The following CTNND2 variants were observed in gnomAD, a reference collection of about 807,000 sequenced individuals.
CTNND2 encodes catenin delta-2.
CTNND2 carries 22 observed loss-of-function variants against 144.4 expected under a neutral mutation model. The observed-to-expected ratio is 0.15, with a 90% CI of 0.11 to 0.22. CTNND2 has a LOEUF of 0.22. CTNND2 is among the 10% of genes least tolerant of loss of function. The probability of loss-of-function intolerance (pLI) is 1.00; values close to 1 mark genes in which losing one functional copy is unlikely to be tolerated. For missense variants in CTNND2, 1,353 were observed against 1,618.8 expected (o/e 0.84, Z 2.82); for synonymous variants, 751 against 695.6 (o/e 1.08, Z -1.25).
intron 1 of CTNND2, among the ~76,000 whole-genome samples, chr5:11,825,670 ATAT>A (rs2126950975): frequency 6.6e-6 from 1 of 152,194 alleles, no homozygotes; most frequent in Non-Finnish European, 1.5e-5. Flanking sequence ...ATTATTAATA[ATAT>A]TATTATTAAT....
chr5:11,428,946 G>C (rs1273749722), intron 3 of CTNND2, among the ~76,000 whole-genome samples: 1 of 152,076 alleles, frequency 6.6e-6, no homozygotes, highest in African/African-American at 2.4e-5. Flanking sequence ...AACATATCAT[G>C]GCAAATCCTT....
At chr5:11,514,338 G>T (rs1013956468) in intron 3 of CTNND2, among the ~76,000 whole-genome samples, 1 of 152,000 alleles carries the variant, frequency 6.6e-6, no homozygotes, top group Non-Finnish European at 1.5e-5. Context: ...AGGTAATCCA[G>T]GTTTAAAAAA....
chr5:11,700,226 C>T (rs1785363149), intron 2 of CTNND2, among the ~76,000 whole-genome samples: 1 of 151,998 alleles, frequency 6.6e-6, no homozygotes, highest in Non-Finnish European at 1.5e-5. Context: ...CCCAGCTCTA[C>T]TAAAAATACA....
chr5:11,139,575 TC>T (rs1756506505), intron 12 of CTNND2, among the ~76,000 whole-genome samples: 1 of 152,204 alleles, frequency 6.6e-6, no homozygotes, highest in African/African-American at 2.4e-5. Flanking sequence ...CCATTTTCTC[TC>T]TGTTTGCTGC....
At chr5:11,374,379 G>A (rs918324999) in intron 7 of CTNND2, among the ~76,000 whole-genome samples, 2 of 152,080 alleles carry the variant, frequency 1.3e-5, no homozygotes, top group Non-Finnish European at 2.9e-5. Context: ...TTTTTACCTG[G>A]GAGAAGGCTT....
intron 12 of CTNND2, among the ~76,000 whole-genome samples, chr5:11,129,396 G>A (rs1425147898): frequency 7.2e-6 from 1 of 138,508 alleles, no homozygotes; most frequent in Non-Finnish European, 1.5e-5. Context: ...GAAAATACCT[G>A]CTCTCAATGC....
rs1356214404 is a variant in CTNND2, at chr5:10,972,338, TA to T, written c.*1114del. ...AAAGGAACAAACTGATGTACATTTATACTAAAAAACCAAAAACAAAGTTTGT... is the reference window on the plus strand; with the variant it reads ...AAAGGAACAAACTGATGTACATTTATCTAAAAAACCAAAAACAAAGTTTGT... On this transcript the variant is annotated 3_prime_UTR_variant, in exon 22 of 22. Coordinates refer to ENST00000304623, the MANE Select transcript of CTNND2 (RefSeq NM_001332.4). 1 of 152,354 alleles carries T rather than the reference TA, an allele frequency of 6.6e-6. No individual in the cohort carries two copies. The highest frequency in any genetic ancestry group is 1.9e-4 in the East Asian group (1 of 5,200). The allele number at this position is 152,354 out of a possible 1,614,324, so 9.4% of individuals were successfully genotyped here.
At chr5:11,369,489 GTATT>G (rs1351156197) in intron 7 of CTNND2, among the ~76,000 whole-genome samples, 1 of 152,086 alleles carries the variant, frequency 6.6e-6, no homozygotes, top group Non-Finnish European at 1.5e-5. Context: ...ACAAAACAAT[GTATT>G]TATTATTTTT....
At chr5:11,371,907 A>C (rs1757508724) in intron 7 of CTNND2, among the ~76,000 whole-genome samples, 2 of 152,218 alleles carry the variant, frequency 1.3e-5, no homozygotes, top group Non-Finnish European at 2.9e-5. Context: ...GCCATCTGAT[A>C]ATATAAAATG....
intron 16 of CTNND2, among the ~76,000 whole-genome samples, chr5:11,045,218 A>C (rs1475023986): frequency 6.6e-6 from 1 of 152,172 alleles, no homozygotes; most frequent in Non-Finnish European, 1.5e-5. Flanking sequence ...AAAGAAAATA[A>C]GTTTATTTGG....
intron 3 of CTNND2, among the ~76,000 whole-genome samples, chr5:11,448,288 A>G (rs1466535466): frequency 6.6e-6 from 1 of 152,232 alleles, no homozygotes; most frequent in Non-Finnish European, 1.5e-5. Context: ...TATGTGCTGA[A>G]TTTGTTATAT....
At chr5:11,285,942 T>TTAATAA (rs1554021074) in intron 9 of CTNND2, among the ~76,000 whole-genome samples, 6 of 152,082 alleles carry the variant, frequency 3.9e-5, no homozygotes, top group Admixed American at 6.6e-5. Flanking sequence ...AGAGCATAGG[T>TTAATAA]GGATGCAGAT....
chr5:11,752,207 G>A (rs1215769103), intron 1 of CTNND2, among the ~76,000 whole-genome samples: 1 of 151,680 alleles, frequency 6.6e-6, no homozygotes, highest in Non-Finnish European at 1.5e-5. Context: ...GTTTAATTAG[G>A]TGGTCCCCTT....
chr5:11,187,560 C>T lies in CTNND2; in HGVS notation c.1975+11888G>A, dbSNP rs1417150246. Among the ~76,000 whole-genome samples, 9 of 152,100 alleles carry T rather than the reference C, an allele frequency of 5.9e-5. 1 individual carries two copies. Among genetic ancestry groups the T allele is most frequent in the Admixed American group, 1.3e-4 (2 of 15,272 alleles). On this transcript the variant is annotated intron_variant, in intron 11 of 21. Transcript: ENST00000304623. ...ATAGGCACGGGTAAAGATTTCATGA[C>T]GAATACATCAAAAGCAATTGCCACA...
intron 3 of CTNND2, among the ~76,000 whole-genome samples, chr5:11,479,172 T>C (rs1426225000): frequency 6.6e-6 from 1 of 152,150 alleles, no homozygotes; most frequent in Non-Finnish European, 1.5e-5. Flanking sequence ...AGGAATGTCC[T>C]ACTGTCTGTT....
chr5:11,751,583 C>T (rs537836930), intron 1 of CTNND2, among the ~76,000 whole-genome samples: 5 of 152,000 alleles, frequency 3.3e-5, no homozygotes, highest in African/African-American at 9.6e-5. Flanking sequence ...TTAATGGCTG[C>T]ATAGTATGCC....
chr5:11,775,965 T>C (rs1348714806), intron 1 of CTNND2, among the ~76,000 whole-genome samples: 1 of 151,454 alleles, frequency 6.6e-6, no homozygotes, highest in Non-Finnish European at 1.5e-5. Context: ...GAGGGTAGAG[T>C]ATCCTGCCAC....
chr5:11,765,986 T>G (rs4502825), intron 1 of CTNND2, among the ~76,000 whole-genome samples: 1 of 152,098 alleles, frequency 6.6e-6, no homozygotes, highest in Non-Finnish European at 1.5e-5. Context: ...TTTTCTAAAA[T>G]ACATGCCATG....
intron 16 of CTNND2, among the ~76,000 whole-genome samples, chr5:11,044,776 A>G (rs1315581930): frequency 6.6e-6 from 1 of 152,180 alleles, no homozygotes; most frequent in Non-Finnish European, 1.5e-5. Context: ...CTCAAAGGAA[A>G]CTGTCACTGG....
Sources: gnomAD v4.1 joint callset for allele counts (sites outside exome capture counted in the v4.1 genomes callset) on GRCh38, gnomAD v4.1.1 for gene constraint, MANE v1.5 for transcripts, NCBI Gene and HGNC (gene_info 2026-07-23, HGNC 2026-07-21) for gene names.